SND1: variants seen among roughly 807,000 people sequenced by gnomAD.
SND1 encodes the protein staphylococcal nuclease and tudor domain containing 1, also known as staphylococcal nuclease domain-containing protein 1.
A neutral mutation model predicts 121.7 loss-of-function variants in SND1; 38 were observed. That is an observed-to-expected ratio of 0.31 (90% CI 0.24 to 0.41). The LOEUF is 0.41. SND1 is among the 10% of genes least tolerant of loss of function. SND1 has a pLI of 1.00. For missense variants in SND1, 868 were observed against 1,184.6 expected, an observed-to-expected ratio of 0.73 and a Z score of 3.92; for synonymous variants, 401 against 447.4, an observed-to-expected ratio of 0.90 and a Z score of 1.31.
At chr7:127,697,986 C>T (rs1456456649) in intron 3 of SND1, among the ~76,000 whole-genome samples, 3 of 151,890 alleles carry the variant, frequency 2.0e-5, no homozygotes, top group Admixed American at 6.6e-5. Flanking sequence ...TGGTTTTGGC[C>T]GACAAGCAGA....
intron 1 of SND1, among the ~76,000 whole-genome samples, chr7:127,672,797 AG>A (rs953270190): frequency 2.6e-5 from 4 of 151,910 alleles, no homozygotes; most frequent in Non-Finnish European, 5.9e-5. Flanking sequence ...GTTTTTTCCA[AG>A]AGTTACTTTA....
At chr7:127,756,280 C>G (rs1377127479) in intron 10 of SND1, among the ~76,000 whole-genome samples, 5 of 152,070 alleles carry the variant, frequency 3.3e-5, no homozygotes, top group Non-Finnish European at 1.5e-5. Context: ...CAAATCATCT[C>G]ATGTTCTTAT....
At position 128,092,328 on chromosome 7, in the gene SND1, T is replaced by TA. The variant is rs869197153; in HGVS notation, c.*281dup. ...TATTTGGAGGTTTGTGGGCTTTTTT[T>TA]AAAAAAAAAAAGTCCTCAAATCAGG... On this transcript the variant is annotated 3_prime_UTR_variant, in exon 24 of 24. Coordinates refer to ENST00000354725, the MANE Select transcript of SND1 (RefSeq NM_014390.4). The surrounding 1 kb of genome is among the most constrained non-coding windows in gnomAD (Gnocchi z 4.9). The TA allele has an allele frequency of 0.014, 5,420 of 380,196 alleles. 4 individuals carry two copies. Among genetic ancestry groups the TA allele is most frequent in the East Asian group, 0.026 (619 of 23,950 alleles). The allele number at this position is 380,196 out of a possible 1,614,324, so 23.6% of individuals were successfully genotyped here.
At chr7:127,949,466 C>T (rs1584688772) in intron 15 of SND1, among the ~76,000 whole-genome samples, 1 of 152,150 alleles carries the variant, frequency 6.6e-6, no homozygotes, top group Non-Finnish European at 1.5e-5. Context: ...AGTAAGCTTA[C>T]AGCTTTAACT....
At chr7:127,682,875 G>A (rs1269552006) in intron 1 of SND1, among the ~76,000 whole-genome samples, 3 of 152,146 alleles carry the variant, frequency 2.0e-5, no homozygotes, top group Non-Finnish European at 4.4e-5. Flanking sequence ...ATTAATAACT[G>A]AATAAATCAA....
intron 10 of SND1, among the ~76,000 whole-genome samples, chr7:127,775,670 C>CT (rs958449680): frequency 2.0e-5 from 3 of 151,978 alleles, no homozygotes; most frequent in African/African-American, 7.3e-5. Flanking sequence ...AGCATCTGCC[C>CT]TTTTCCAAAC....
intron 16 of SND1, among the ~76,000 whole-genome samples, chr7:128,033,986 C>CAGTGAAAGTGAA (rs1792701642): frequency 6.6e-6 from 1 of 152,182 alleles, no homozygotes; most frequent in Non-Finnish European, 1.5e-5. Context: ...TTCATTTACC[C>CAGTGAAAGTGAA]AGTGAAAGTA....
intron 15 of SND1, among the ~76,000 whole-genome samples, chr7:127,937,663 CCTT>C (rs1801090725): frequency 6.6e-6 from 1 of 152,178 alleles, no homozygotes; most frequent in South Asian, 2.1e-4. Flanking sequence ...TTCCTCATTT[CCTT>C]CTTTTCCTTT....
intron 21 of SND1, among the ~76,000 whole-genome samples, chr7:128,088,982 AG>A (rs1174958764): frequency 1.3e-5 from 2 of 152,128 alleles, no homozygotes; most frequent in Non-Finnish European, 2.9e-5. Flanking sequence ...GGCAAGGAAA[AG>A]AAAAGGGGAA....
chr7:127,842,740 A>G (rs778066636), intron 11 of SND1, among the ~76,000 whole-genome samples: 19 of 151,710 alleles, frequency 1.3e-4, no homozygotes, highest in Non-Finnish European at 1.2e-4. Flanking sequence ...CTGGTCTTGA[A>G]CTCCTGGCCT....
At chr7:127,767,891 C>A (rs540092051) in intron 10 of SND1, among the ~76,000 whole-genome samples, 3 of 152,298 alleles carry the variant, frequency 2.0e-5, no homozygotes, top group African/African-American at 7.2e-5. Context: ...TCAAACCCTG[C>A]AGTTTATATT....
chr7:127,938,475 A>G (rs1416702967), intron 15 of SND1, among the ~76,000 whole-genome samples: 1 of 152,234 alleles, frequency 6.6e-6, no homozygotes, highest in Non-Finnish European at 1.5e-5. Context: ...GTATGAGAAT[A>G]CAGAGCAAAT....
At chr7:127,973,310 T>G (rs1033199912) in intron 15 of SND1, among the ~76,000 whole-genome samples, 3 of 152,190 alleles carry the variant, frequency 2.0e-5, no homozygotes, top group Non-Finnish European at 4.4e-5. Context: ...ATTAAAACTT[T>G]GAGAGTCATC....
chr7:128,031,299 GGCGGCCCCGGCCCGCTCT>G (rs1293318541), intron 16 of SND1, among the ~76,000 whole-genome samples: 5 of 151,644 alleles, frequency 3.3e-5, no homozygotes, highest in African/African-American at 4.8e-5. Flanking sequence ...AGTGCGCTCC[GGCGGCCCCGGCCCGCTCT>G]GCGGGCCGCC....
chr7:128,066,574 G>T (rs1281975124), intron 16 of SND1, among the ~76,000 whole-genome samples: 1 of 152,216 alleles, frequency 6.6e-6, no homozygotes, highest in East Asian at 1.9e-4. Flanking sequence ...GACCCAGGAG[G>T]TATTGCATAG....
At chr7:127,780,257 A>G (rs1584567382) in intron 10 of SND1, among the ~76,000 whole-genome samples, 1 of 152,362 alleles carries the variant, frequency 6.6e-6, no homozygotes, top group Non-Finnish European at 1.5e-5. Flanking sequence ...TAACTTTCAC[A>G]TCACACTGAC....
intron 12 of SND1, among the ~76,000 whole-genome samples, chr7:127,879,578 C>A (rs554753674): frequency 2.0e-5 from 3 of 152,138 alleles, no homozygotes; most frequent in East Asian, 1.9e-4. Context: ...AGATCAGCCC[C>A]ATGGTAAAAC....
At chr7:127,926,832 T>G (rs2116814251) in intron 14 of SND1, among the ~76,000 whole-genome samples, 1 of 151,780 alleles carries the variant, frequency 6.6e-6, no homozygotes, top group East Asian at 1.9e-4. Flanking sequence ...ACCTCGTGAT[T>G]TGCCTGCCTC....
At chr7:127,702,786 A>C (rs1796126342) in intron 6 of SND1, among the ~76,000 whole-genome samples, 1 of 152,194 alleles carries the variant, frequency 6.6e-6, no homozygotes, top group African/African-American at 2.4e-5. Context: ...GAAATGGAAC[A>C]ATGAGAGGCT....
Sources: gnomAD v4.1 joint callset for allele counts (sites outside exome capture counted in the v4.1 genomes callset) on GRCh38, gnomAD v4.1.1 for gene constraint, Gnocchi (gnomAD v3.1) non-coding constraint, MANE v1.5 for transcripts, NCBI Gene and HGNC (gene_info 2026-07-23, HGNC 2026-07-21) for gene names.